The following DSE variants were observed in gnomAD, a reference collection of about 807,000 sequenced individuals.
DSE encodes the protein dermatan-sulfate epimerase.
Under a neutral mutation model 84.4 loss-of-function variants are expected in DSE, and 36 were observed. That is an observed-to-expected ratio of 0.43 (90% confidence interval 0.33 to 0.56). DSE has a LOEUF of 0.56. Among genes scored for constraint, DSE ranks in the 20% least tolerant of loss-of-function variants. DSE has a pLI of 0.06. For synonymous variants in DSE, 410 were observed against 430.1 expected, an observed-to-expected ratio of 0.95 and a Z score of 0.58; for missense variants, 862 against 1,169.6, an observed-to-expected ratio of 0.74 and a Z score of 3.84.
chr6:116,335,518 CTTAAAAG>C (rs1777193615), intron 2 of DSE, among the ~76,000 whole-genome samples: 2 of 152,200 alleles, frequency 1.3e-5, no homozygotes, highest in South Asian at 4.1e-4. Context: ...TACCCCTAAA[CTTAAAAG>C]TTAAATTTTA....
At chr6:116,362,047 G>C (rs745781848) in intron 2 of DSE, among the ~76,000 whole-genome samples, 2 of 152,176 alleles carry the variant, frequency 1.3e-5, no homozygotes, top group Non-Finnish European at 2.9e-5. Context: ...GAGATATTCT[G>C]CACCAGTGGT....
intron 3 of DSE, among the ~76,000 whole-genome samples, chr6:116,430,144 C>G (rs1392433667): frequency 6.6e-6 from 1 of 152,124 alleles, no homozygotes; most frequent in African/African-American, 2.4e-5. Flanking sequence ...TTGGCAGATT[C>G]AGGATTCCTA....
At chr6:116,338,443 C>T (rs1191215133) in intron 2 of DSE, among the ~76,000 whole-genome samples, 1 of 151,902 alleles carries the variant, frequency 6.6e-6, no homozygotes, top group Non-Finnish European at 1.5e-5. Context: ...AGGCTGGTCT[C>T]AAACTCCTGA....
chr6:116,386,325 G>C (rs1473404897), intron 1 of DSE, among the ~76,000 whole-genome samples: 1 of 152,202 alleles, frequency 6.6e-6, no homozygotes. Flanking sequence ...CATATGGATG[G>C]GGAAGCAGTC....
intron 2 of DSE, among the ~76,000 whole-genome samples, chr6:116,408,232 T>C (rs562855853): frequency 4.1e-4 from 62 of 152,328 alleles, no homozygotes; most frequent in African/African-American, 1.4e-3. Flanking sequence ...AATTTCCAGA[T>C]TCCATCTTCT....
chr6:116,304,463 A>G (rs1473384785), intron 2 of DSE, among the ~76,000 whole-genome samples: 2 of 152,232 alleles, frequency 1.3e-5, no homozygotes, highest in Non-Finnish European at 2.9e-5. Context: ...AGCATTTATT[A>G]TCAAACACAT....
chr6:116,437,228 GACTT>G lies in DSE; in HGVS notation c.2762_2765del (p.Thr921IlefsTer20). The G allele has an allele frequency of 6.2e-7, 1 of 1,614,064 alleles. No individual in the cohort carries two copies. On this transcript the variant is annotated frameshift_variant, in exon 6 of 6. Coordinates refer to ENST00000644252, the MANE Select transcript of DSE (RefSeq NM_013352.4). LOFTEE classifies it high-confidence loss of function. ...TCTTTGTCATGTTGGCAATGCAACTGACTTATTTCCAGAGGGCCCAGAGCCTACA... is the reference window on the plus strand; with the variant it reads ...TCTTTGTCATGTTGGCAATGCAACTGATTTCCAGAGGGCCCAGAGCCTACA...
upstream of DSE, among the ~76,000 whole-genome samples, chr6:116,369,171 T>G (rs998707068): frequency 9.2e-5 from 14 of 152,216 alleles, no homozygotes; most frequent in African/African-American, 3.4e-4. Context: ...TTGTTGTTCT[T>G]GCGTGGGGGT....
At position 116,399,426 on chromosome 6, in the gene DSE, G is replaced by A. The variant is rs1397330269; in HGVS notation, c.176G>A (p.Arg59Lys). ...GCAGAAGTGGCGGAGCTGCAGCTCA[G>A]GGCTGCCAGCTCGCACGAGCACATT... is the stretch of plus-strand genomic sequence containing the variant. The part of the protein sequence containing the change: ...SRAEVAELQL[R>K]AASSHEHIAA... Residue 59 changes from arginine (R) to lysine (K), a missense_variant, in exon 2 of 6, where the codon AGG becomes AAG. Transcript: ENST00000644252. 2 of 1,614,192 alleles carry A rather than the reference G, an allele frequency of 1.2e-6. No homozygotes were observed. The highest frequency in any genetic ancestry group is 3.3e-5 in the Admixed American group (2 of 60,036).
chr6:116,421,228 C>T (rs759142800), intron 2 of DSE, among the ~76,000 whole-genome samples: 60 of 151,604 alleles, frequency 4.0e-4, no homozygotes, highest in Non-Finnish European at 7.5e-4. Flanking sequence ...AGTTTTTAAA[C>T]TTTTTGGACT....
At chr6:116,305,149 C>G (rs913234939) in intron 2 of DSE, among the ~76,000 whole-genome samples, 3 of 136,774 alleles carry the variant, frequency 2.2e-5, no homozygotes, top group African/African-American at 7.9e-5. Context: ...TTTTTTTTTT[C>G]TTTTTGCACA....
chr6:116,337,150 A>G (rs1375479615), intron 2 of DSE, among the ~76,000 whole-genome samples: 1 of 152,226 alleles, frequency 6.6e-6, no homozygotes, highest in African/African-American at 2.4e-5. Flanking sequence ...TGAATATCAC[A>G]TAGCTGATAA....
At chr6:116,287,781 A>G (rs890086406) in intron 2 of DSE, among the ~76,000 whole-genome samples, 3 of 152,074 alleles carry the variant, frequency 2.0e-5, no homozygotes, top group African/African-American at 7.2e-5. Context: ...ATTCACATCT[A>G]CAAACTTCCA....
intron 2 of DSE, chr6:116,279,744 G>C: frequency 2.5e-6 from 4 of 1,612,022 alleles, no homozygotes; most frequent in Non-Finnish European, 3.4e-6. Flanking sequence ...ACTGGTGTGC[G>C]TCCTGGTCGC....
intron 1 of DSE, among the ~76,000 whole-genome samples, chr6:116,393,309 A>G (rs1413489499): frequency 1.3e-5 from 2 of 152,228 alleles, no homozygotes; most frequent in Admixed American, 1.3e-4. Flanking sequence ...TGAGCTTACT[A>G]TGAGTGATGT....
rs748090346 is a variant in DSE, at chr6:116,278,784, C to G, written c.-54+19817C>G. On this transcript the variant is annotated intron_variant, in intron 2 of 3. Transcript: ENST00000430252. The stretch of plus-strand genomic sequence containing the variant: ...GCCATATAATTGGAGTAGAAAGAGA[C>G]ACCACTCGGCCGGAGGATCTTACCT... 3 of 1,614,144 alleles carry G rather than the reference C, an allele frequency of 1.9e-6. No homozygotes were observed. The South Asian group carries it at 3.3e-5, about 18-fold the overall frequency.
chr6:116,311,974 GAAAT>G (rs771760475), intron 2 of DSE, among the ~76,000 whole-genome samples: 6 of 152,136 alleles, frequency 3.9e-5, no homozygotes, highest in Non-Finnish European at 7.4e-5. Flanking sequence ...AAAACAATGA[GAAAT>G]AAAGAGAGAG....
At chr6:116,301,317 G>A (rs147986655) in intron 2 of DSE, among the ~76,000 whole-genome samples, 53 of 152,238 alleles carry the variant, frequency 3.5e-4, no homozygotes, top group African/African-American at 1.2e-3. Context: ...TCTCTTCCTC[G>A]GAGATGATGG....
intron 1 of DSE, among the ~76,000 whole-genome samples, chr6:116,380,133 A>G (rs1482131637): frequency 6.6e-6 from 1 of 152,138 alleles, no homozygotes; most frequent in African/African-American, 2.4e-5. Context: ...TTTAATATAT[A>G]ACTTTTCCCA....
Sources: gnomAD v4.1 joint callset for allele counts (sites outside exome capture counted in the v4.1 genomes callset) on GRCh38, gnomAD v4.1.1 for gene constraint, MANE v1.5 for transcripts, NCBI Gene and HGNC (gene_info 2026-07-23, HGNC 2026-07-21) for gene names.